TICRR: variants seen among roughly 807,000 people sequenced by gnomAD.
TICRR encodes the protein TOPBP1 interacting checkpoint and replication regulator, also known as treslin.
TICRR carries 132 observed loss-of-function variants against 178.1 expected under a neutral mutation model. That is an observed-to-expected ratio of 0.74 (90% CI 0.64 to 0.86). TICRR has a LOEUF of 0.86. TICRR is among the 40% of genes least tolerant of loss of function. The pLI is 0.00. For synonymous variants in TICRR, 991 were observed against 900.7 expected, an observed-to-expected ratio of 1.10 and a Z score of -1.79; for missense variants, 2,587 against 2,334.3, an observed-to-expected ratio of 1.11 and a Z score of -2.23.
chr15:89,578,050 G>A (rs994904410), intron 1 of TICRR, among the ~76,000 whole-genome samples: 1 of 152,140 alleles, frequency 6.6e-6, no homozygotes, highest in Admixed American at 6.5e-5. Context: ...GAAACAAAAA[G>A]GCAAGGAGTG....
chr15:89,590,842 A>AT (rs1318027508), intron 4 of TICRR, among the ~76,000 whole-genome samples: 1 of 152,200 alleles, frequency 6.6e-6, no homozygotes, highest in Non-Finnish European at 1.5e-5. Flanking sequence ...GTTTGAATAC[A>AT]TTTTAAGTAT....
At chr15:89,603,115 C>T (rs1414204682) in intron 13 of TICRR, among the ~76,000 whole-genome samples, 1 of 151,900 alleles carries the variant, frequency 6.6e-6, no homozygotes, top group Non-Finnish European at 1.5e-5. Context: ...AGAAAAATGG[C>T]AAGTAAAAGT....
intron 14 of TICRR, 24 bp downstream of exon 14, chr15:89,606,849 T>C: frequency 6.3e-7 from 1 of 1,599,156 alleles, no homozygotes; most frequent in Non-Finnish European, 8.6e-7. Flanking sequence ...TCAGTGTATG[T>C]ATTTATTCAC....
chr15:89,599,944 A>G lies in TICRR; in HGVS notation c.2052+469A>G, dbSNP rs924224544. Among the ~76,000 whole-genome samples, 3 of 152,138 alleles carry G rather than the reference A, an allele frequency of 2.0e-5. No homozygotes were observed. The East Asian group carries it at 5.8e-4, about 29-fold the overall frequency. ...AACATGGTGAAACCCCGTCTCTACT[A>G]AAAATACAAAAATCAGCTGGATGTG... On this transcript the variant is annotated intron_variant, in intron 8 of 21. Coordinates refer to ENST00000268138, the MANE Select transcript of TICRR (RefSeq NM_152259.4).
At chr15:89,600,110 G>T (rs1963069006) in intron 8 of TICRR, among the ~76,000 whole-genome samples, 1 of 151,970 alleles carries the variant, frequency 6.6e-6, no homozygotes, top group Non-Finnish European at 1.5e-5. Context: ...CATCTCCAAA[G>T]AATATATATA....
chr15:89,590,887 A>G (rs1293005386), intron 4 of TICRR, among the ~76,000 whole-genome samples: 1 of 152,198 alleles, frequency 6.6e-6, no homozygotes, highest in Non-Finnish European at 1.5e-5. Context: ...ATTAATGTCT[A>G]ACATTTCATT....
Position 89,576,027 on chromosome 15 carries a change from C to CG in TICRR, c.446dup (p.Val151GlyfsTer36). 1 of 1,609,682 alleles carries CG rather than the reference C, an allele frequency of 6.2e-7. No homozygotes were observed. Among genetic ancestry groups the CG allele is most frequent in the Non-Finnish European group, 8.5e-7 (1 of 1,178,828 alleles). On this transcript the variant is annotated frameshift_variant, in exon 1 of 22. Transcript: ENST00000268138. LOFTEE classifies it high-confidence loss of function. Reference sequence around the variant, plus strand: ...AGGCCAAGGAGGCCGAGGCCGCGCTCGGGGGCTTGGTGAACGCCGTCTTCC... The same window carrying CG: ...AGGCCAAGGAGGCCGAGGCCGCGCTCGGGGGGCTTGGTGAACGCCGTCTTCC...
chr15:89,619,770 T>G lies in TICRR; in HGVS notation c.3082T>G (p.Ser1028Ala). ...GTCATTTAGCAGGACACATTCTGCCTCCTTCTATTCTGTGTCTCAGCCGAA... is the reference window on the plus strand; with the variant it reads ...GTCATTTAGCAGGACACATTCTGCCGCCTTCTATTCTGTGTCTCAGCCGAA... ...QLSFSRTHSA[S>A]FYSVSQPKSR... The change falls in exon 18 of 22, where the codon TCC becomes GCC. Residue 1028 changes from serine to alanine, a missense_variant. Physicochemically the swap from Ser to Ala is moderately conservative, Grantham distance 99. Coordinates refer to ENST00000268138, the MANE Select transcript of TICRR (RefSeq NM_152259.4). The G allele has an allele frequency of 6.2e-7, 1 of 1,614,050 alleles. No individual in the cohort carries two copies. The highest frequency in any genetic ancestry group is 1.6e-4 in the Middle Eastern group (1 of 6,062).
At chr15:89,586,019 G>A (rs1290660713) in intron 4 of TICRR, 77 bp downstream of exon 4, 4 of 1,042,984 alleles carry the variant, frequency 3.8e-6, no homozygotes, top group Middle Eastern at 2.5e-4. Context: ...TTTTCACTGT[G>A]CAGTTAGTAG....
chr15:89,624,221 C>T lies in TICRR; in HGVS notation c.3911C>T (p.Pro1304Leu). 6.2e-7 allele frequency: 1 copy of T among 1,614,186 alleles called. No individual in the cohort carries two copies. Among genetic ancestry groups the T allele is most frequent in the East Asian group, 2.2e-5 (1 of 44,888 alleles). The change falls in exon 20 of 22, where the codon CCA becomes CTA. Residue 1304 changes from proline (P) to leucine (L), a missense_variant. Pro to Leu is a moderately conservative substitution (Grantham distance 98). Transcript: ENST00000268138. ...RPGNSTVTSS[P>L]PVTPKKLFTS... ...GGGAATTCAACTGTGACTTCTTCCC[C>T]ACCTGTTACGCCAAAGAAACTGTTT...
At chr15:89,619,279 G>A (rs1963385768) in intron 17 of TICRR, among the ~76,000 whole-genome samples, 1 of 142,488 alleles carries the variant, frequency 7.0e-6, no homozygotes, top group African/African-American at 2.7e-5. Context: ...AGGCTGGAGT[G>A]CACTGGCATG....
chr15:89,592,728 T>C (rs1962933419), intron 5 of TICRR, among the ~76,000 whole-genome samples: 1 of 152,134 alleles, frequency 6.6e-6, no homozygotes, highest in Admixed American at 6.6e-5. Flanking sequence ...TATAGCAAGA[T>C]CAAGCAATTA....
In TICRR at chr15:89,585,772, C is replaced by A; in HGVS notation, c.1241C>A (p.Ala414Asp). The A allele has an allele frequency of 6.2e-7, 1 of 1,614,144 alleles. No homozygotes were observed. Among genetic ancestry groups the A allele is most frequent in the Non-Finnish European group, 8.5e-7 (1 of 1,180,018 alleles). Reference sequence around the variant, plus strand: ...ACTGGAGTTATTTCCCCACTCTCTGCCAGTGCTATGATCCTCACTGTGTGC... The same window carrying A: ...ACTGGAGTTATTTCCCCACTCTCTGACAGTGCTATGATCCTCACTGTGTGC... ...PITGVISPLS[A>D]SAMILTVCRT... Residue 414 changes from alanine (A) to aspartate (D), a missense_variant, in exon 4 of 22, where the codon GCC (alanine) becomes GAC (aspartate). Physicochemically the swap from Ala to Asp is moderately radical, Grantham distance 126. Transcript: ENST00000268138.
intron 20 of TICRR, 49 bp downstream of exon 20, chr15:89,625,835 A>C (rs1313473440): frequency 6.4e-7 from 1 of 1,556,428 alleles, no homozygotes; most frequent in Non-Finnish European, 8.7e-7. Flanking sequence ...TTTTGGTCAG[A>C]GTGCTTGACA....
In TICRR at chr15:89,584,284, A is replaced by G. The variant is rs373452958; in HGVS notation, c.935-2A>G. 1.9e-6 allele frequency: 3 copies of G among 1,588,320 alleles called. No homozygotes were observed. Among genetic ancestry groups the G allele is most frequent in the Non-Finnish European group, 2.6e-6 (3 of 1,168,968 alleles). On this transcript the variant is annotated splice_acceptor_variant, in intron 2 of 21. Transcript: ENST00000268138. LOFTEE classifies it high-confidence loss of function. ...CCTGGTCTAATTAATCTTTATTTCT[A>G]GCAGGCAAAGAGATTCAAGAAACAT...
At chr15:89,586,441 C>T (rs1364733544) in intron 4 of TICRR, among the ~76,000 whole-genome samples, 1 of 152,078 alleles carries the variant, frequency 6.6e-6, no homozygotes, top group East Asian at 1.9e-4. Flanking sequence ...GTATGGCAGG[C>T]ACTGTTTGAA....
At chr15:89,605,369 T>A (rs1300033143) in intron 13 of TICRR, among the ~76,000 whole-genome samples, 1 of 152,188 alleles carries the variant, frequency 6.6e-6, no homozygotes, top group African/African-American at 2.4e-5. Context: ...ATGACTTTTA[T>A]TTTTATTTTT....
intron 15 of TICRR, 111 bp from the exon 16 acceptor site, chr15:89,616,294 C>G (rs1567049881): frequency 1.3e-6 from 1 of 796,700 alleles, no homozygotes. Context: ...TTAAGATCCT[C>G]TCCAGCTAGG....
chr15:89,607,392 C>T lies in TICRR; in HGVS notation c.2722+567C>T, dbSNP rs58468780. 7.0e-3 allele frequency among the ~76,000 whole-genome samples: 1,063 copies of T among 152,106 alleles called. 14 individuals are homozygous for T. The highest frequency in any genetic ancestry group is 0.025 in the African/African-American group (1,029 of 41,508). ...TACTCTCCAGTGTTTAGGGGAATAA[C>T]GTACATACAGAGAGAAGGAAGGAGA... On this transcript the variant is annotated intron_variant, in intron 14 of 21. Coordinates refer to ENST00000268138, the MANE Select transcript of TICRR (RefSeq NM_152259.4).
Sources: gnomAD v4.1 joint callset for allele counts (sites outside exome capture counted in the v4.1 genomes callset) on GRCh38, gnomAD v4.1.1 for gene constraint, MANE v1.5 for transcripts, NCBI Gene and HGNC (gene_info 2026-07-23, HGNC 2026-07-21) for gene names.